The following SMARCA2 variants were observed in gnomAD, a reference collection of about 807,000 sequenced individuals.
SMARCA2 encodes the protein SWI/SNF-related matrix-associated actin-dependent regulator of chromatin subfamily A member 2.
A neutral mutation model predicts 199.8 loss-of-function variants in SMARCA2; 61 were observed. The ratio of observed to expected loss-of-function variants is 0.31; its 90% confidence interval spans 0.25 to 0.38. SMARCA2 has a LOEUF of 0.38. Ranked by LOEUF, SMARCA2 falls within the 10% of genes least tolerant of loss-of-function variation. The pLI is 1.00. For missense variants in SMARCA2, 1,344 were observed against 2,012.2 expected, an observed-to-expected ratio of 0.67 and a Z score of 6.35; for synonymous variants, 935 against 732.0, an observed-to-expected ratio of 1.28 and a Z score of -4.48.
chr9:2,089,414 C>T (rs994791021), intron 19 of SMARCA2, among the ~76,000 whole-genome samples: 1 of 152,018 alleles, frequency 6.6e-6, no homozygotes, highest in African/African-American at 2.4e-5. Flanking sequence ...TTTAGAAGAG[C>T]CAATTCTGAA....
intron 27 of SMARCA2, among the ~76,000 whole-genome samples, chr9:2,137,308 C>T (rs1015500530): frequency 6.6e-6 from 1 of 152,180 alleles, no homozygotes; most frequent in Non-Finnish European, 1.5e-5. Context: ...CCCTGATGAC[C>T]ACTCCTGCAT....
At chr9:2,066,034 T>A (rs10964621) in intron 9 of SMARCA2, among the ~76,000 whole-genome samples, 5,083 of 152,330 alleles carry the variant, frequency 0.033, 114 homozygotes, top group Non-Finnish European at 0.046. Flanking sequence ...GGGCATTTTT[T>A]AAAATTACCC....
rs1189168023 is a variant in SMARCA2 at position 2,056,594 on chromosome 9, A to G, written c.1174-78A>G. 1 of 1,342,104 alleles carries G rather than the reference A, an allele frequency of 7.5e-7. No homozygotes were observed. The highest frequency in any genetic ancestry group is 1.0e-6 in the Non-Finnish European group (1 of 985,174). 83.1% of individuals were successfully genotyped at this position (1,342,104 alleles called of 1,614,324 possible). A position where few individuals can be genotyped will look rare whatever the true frequency, so the allele number is the denominator to read the frequency against. ...TCCCCGCCCCACTCTATTCCATTAA[A>G]TGCAACCGCGAGAAGGCCAGAGTTC... On this transcript the variant is annotated intron_variant, in intron 6 of 33. Coordinates refer to ENST00000349721, the MANE Select transcript of SMARCA2 (RefSeq NM_003070.5). This position sits in a 1 kb window ranked among gnomAD's most constrained non-coding sequence, Gnocchi z 4.0.
At chr9:2,063,169 G>A (rs1820678481) in intron 9 of SMARCA2, among the ~76,000 whole-genome samples, 2 of 152,196 alleles carry the variant, frequency 1.3e-5, no homozygotes, top group Admixed American at 6.5e-5. Context: ...CTTACTGGGA[G>A]AAGTGGGACA....
rs139562972 is a variant in SMARCA2, at chr9:2,106,602, C to T, written c.3292+2433C>T. On this transcript the variant is annotated intron_variant, in intron 23 of 33. Coordinates refer to ENST00000349721, the MANE Select transcript of SMARCA2 (RefSeq NM_003070.5). ...ACTTCCAGCTGAACCCCCTTCTGTC[C>T]CCCATCCCACCACCCAATTATTAAA... Among the ~76,000 whole-genome samples, 131 of 152,192 alleles carry T rather than the reference C, an allele frequency of 8.6e-4. 1 individual carries two copies. Among genetic ancestry groups the T allele is most frequent in the African/African-American group, 2.8e-3 (115 of 41,518 alleles).
At position 2,029,157 on chromosome 9, in the gene SMARCA2, G is replaced by C; in HGVS notation, c.135G>C (p.Gly45=). The C allele has an allele frequency of 6.2e-7, 1 of 1,613,010 alleles. No individual in the cohort carries two copies. The highest frequency in any genetic ancestry group is 8.5e-7 in the Non-Finnish European group (1 of 1,179,542). The change falls in exon 2 of 34, where the codon GGG becomes GGC. Residue 45 remains glycine (G), a synonymous_variant. Coordinates refer to ENST00000349721, the MANE Select transcript of SMARCA2 (RefSeq NM_003070.5). ...PSPGSVHSMM[G]PSPGPPSVSH... is the part of the protein sequence containing the mutation. ...CAGGTTCCGTCCACAGCATGATGGG[G>C]CCAAGTCCTGGACCTCCAAGTGTCT... is the stretch of plus-strand genomic sequence containing the variant.
intron 1 of SMARCA2, among the ~76,000 whole-genome samples, chr9:2,024,582 T>C (rs1027942363): frequency 6.6e-6 from 1 of 152,208 alleles, no homozygotes; most frequent in African/African-American, 2.4e-5. Flanking sequence ...CTGTGGTAAG[T>C]TAATATATTA....
At chr9:2,127,449 T>C (rs1429875738) in intron 27 of SMARCA2, among the ~76,000 whole-genome samples, 1 of 152,232 alleles carries the variant, frequency 6.6e-6, no homozygotes, top group East Asian at 1.9e-4. Context: ...CTCCCTTCCC[T>C]GAAAGTCCAT....
intron 32 of SMARCA2, among the ~76,000 whole-genome samples, chr9:2,186,569 G>A (rs577252026): frequency 6.2e-5 from 9 of 145,028 alleles, no homozygotes; most frequent in African/African-American, 2.3e-4. Flanking sequence ...CATGATCTTA[G>A]CTCACTGCAA....
intron 33 of SMARCA2, 83 bp from the exon 34 acceptor site, chr9:2,192,621 T>A (rs1827963735): frequency 1.1e-6 from 1 of 935,194 alleles, no homozygotes; most frequent in African/African-American, 1.6e-5. Flanking sequence ...TTTTTCCTAC[T>A]GGCCTCTTGA....
chr9:2,073,462 A>G (rs765076615), intron 11 of SMARCA2, 104 bp from the exon 12 acceptor site: 2 of 1,493,696 alleles, frequency 1.3e-6, no homozygotes, highest in Non-Finnish European at 1.8e-6. Context: ...TGTTACTTGG[A>G]TTTGTCTTTT....
At position 2,191,213 on chromosome 9, in the gene SMARCA2, A is replaced by G. The variant is rs545560394; in HGVS notation, c.4595-53A>G. On this transcript the variant is annotated intron_variant, in intron 32 of 33. Coordinates refer to ENST00000349721, the MANE Select transcript of SMARCA2 (RefSeq NM_003070.5). ...TGGTGATAGTCTTACCACCTATACA[A>G]AGATCTCCTTGTGATTACTCACTGG... 363 of 1,575,934 alleles carry G rather than the reference A, an allele frequency of 2.3e-4. 3 individuals are homozygous for G. In the South Asian group the frequency reaches 3.7e-3, roughly 16 times the overall value.
intron 27 of SMARCA2, among the ~76,000 whole-genome samples, 195 bp downstream of exon 27, chr9:2,124,132 G>A (rs577332321): frequency 6.6e-6 from 1 of 152,246 alleles, no homozygotes; most frequent in East Asian, 1.9e-4. Context: ...AGATAAAGGC[G>A]TTCTGCACTT....
intron 9 of SMARCA2, among the ~76,000 whole-genome samples, chr9:2,066,066 A>G (rs983465219): frequency 4.6e-5 from 7 of 152,242 alleles, no homozygotes; most frequent in Non-Finnish European, 1.0e-4. Context: ...TTAATGCTCA[A>G]AGGTCCCCTT....
At chr9:2,109,882 G>A (rs1485580401) in intron 23 of SMARCA2, among the ~76,000 whole-genome samples, 1 of 152,082 alleles carries the variant, frequency 6.6e-6, no homozygotes, top group Non-Finnish European at 1.5e-5. Flanking sequence ...AAGTGCACGT[G>A]TGTGTGTGTG....
At chr9:2,021,776 C>T (rs1346328464) in intron 1 of SMARCA2, among the ~76,000 whole-genome samples, 2 of 152,052 alleles carry the variant, frequency 1.3e-5, no homozygotes, top group African/African-American at 4.8e-5. Flanking sequence ...TTTATAATAG[C>T]ATATTGAATA....
intron 2 of SMARCA2, among the ~76,000 whole-genome samples, chr9:2,030,447 G>A (rs527348176): frequency 6.6e-5 from 10 of 152,026 alleles, no homozygotes; most frequent in Non-Finnish European, 1.5e-4. Flanking sequence ...AGTCCAAAGA[G>A]CCAGAAGAGT....
intron 19 of SMARCA2, among the ~76,000 whole-genome samples, chr9:2,089,337 T>C (rs549444743): frequency 2.6e-5 from 4 of 152,312 alleles, no homozygotes; most frequent in African/African-American, 9.6e-5. Flanking sequence ...CTAAGTTTCA[T>C]TCTCTTAGAG....
rs1818385533 is a variant in SMARCA2, at chr9:2,017,080, G to T, written c.-37+1676G>T. On this transcript the variant is annotated intron_variant, in intron 1 of 33. Coordinates refer to ENST00000349721, the MANE Select transcript of SMARCA2 (RefSeq NM_003070.5). The surrounding 1 kb of genome is among the most constrained non-coding windows in gnomAD (Gnocchi z 8.8). Reference sequence around the variant, plus strand: ...CACCCGCGCCTTGGCCGGGGCACTTGGGCCGGTTTCCGGTACACGCGGGGA... The same window carrying T: ...CACCCGCGCCTTGGCCGGGGCACTTTGGCCGGTTTCCGGTACACGCGGGGA... 1 of 152,264 alleles carries T rather than the reference G, an allele frequency of 6.6e-6. No homozygotes were observed. Among genetic ancestry groups the T allele is most frequent in the Non-Finnish European group, 1.5e-5 (1 of 68,108 alleles). The allele number at this position is 152,264 out of a possible 1,614,324, so 9.4% of individuals were successfully genotyped here.
Sources: gnomAD v4.1 joint callset for allele counts (sites outside exome capture counted in the v4.1 genomes callset) on GRCh38, gnomAD v4.1.1 for gene constraint, Gnocchi (gnomAD v3.1) non-coding constraint, MANE v1.5 for transcripts, NCBI Gene and HGNC (gene_info 2026-07-23, HGNC 2026-07-21) for gene names.